ACTR3: variants seen among roughly 807,000 people sequenced by gnomAD.
ACTR3 encodes actin-related protein 3.
A neutral mutation model predicts 56.8 loss-of-function variants in ACTR3; 12 were observed. The observed-to-expected ratio is 0.21, with a 90% CI of 0.14 to 0.34. The LOEUF (loss-of-function observed/expected upper bound fraction) is 0.34, where lower values mean the gene tolerates loss of function less well. ACTR3 is among the 10% of genes least tolerant of loss of function. The pLI is 1.00. For synonymous variants in ACTR3, 162 were observed against 167.4 expected (o/e 0.97, Z 0.25); for missense variants, 282 against 512.5 (o/e 0.55, Z 4.34).
chr2:113,897,524 T>A (rs1318762096), intron 1 of ACTR3, among the ~76,000 whole-genome samples: 10 of 83,066 alleles, frequency 1.2e-4, no homozygotes, highest in African/African-American at 3.9e-4. Flanking sequence ...TGTTATTTTT[T>A]TTTTTTTTTT....
chr2:113,918,639 C>A (rs1679451695), intron 3 of ACTR3, among the ~76,000 whole-genome samples: 1 of 152,098 alleles, frequency 6.6e-6, no homozygotes, highest in African/African-American at 2.4e-5. Flanking sequence ...GTCCCCTTGG[C>A]CTGCCAAAGT....
chr2:113,944,580 C>G (rs34011463), intron 8 of ACTR3, among the ~76,000 whole-genome samples: 6,029 of 93,418 alleles, frequency 0.065, 207 homozygotes, highest in Non-Finnish European at 0.093. Context: ...AACCCCGTCT[C>G]TACTAAAAAA....
intron 3 of ACTR3, among the ~76,000 whole-genome samples, chr2:113,925,194 CTTT>C (rs771794090): frequency 5.7e-5 from 6 of 105,174 alleles, no homozygotes; most frequent in African/African-American, 7.6e-5. Context: ...ATCGTGCCAC[CTTT>C]TTTTTTTTTT....
At chr2:113,931,574 T>G (rs1273172455) in intron 5 of ACTR3, among the ~76,000 whole-genome samples, 178 bp downstream of exon 5, 3 of 152,124 alleles carry the variant, frequency 2.0e-5, no homozygotes, top group East Asian at 1.9e-4. Context: ...TGGAGATATT[T>G]AGTCAGGAAA....
intron 1 of ACTR3, among the ~76,000 whole-genome samples, chr2:113,902,932 G>A (rs1679128642): frequency 6.6e-6 from 1 of 152,212 alleles, no homozygotes. Context: ...TAAACCTTGT[G>A]TCATGAGTCT....
chr2:113,890,243 C>A lies in ACTR3; in HGVS notation c.-37C>A. 1.3e-6 allele frequency: 2 copies of A among 1,550,734 alleles called. No individual in the cohort carries two copies. ...ATCTCTGGCCCCTAGCAGCACGGAGCAGACGGCGGCAGCAGCAGCAGCAGG... is the reference window on the plus strand; with the variant it reads ...ATCTCTGGCCCCTAGCAGCACGGAGAAGACGGCGGCAGCAGCAGCAGCAGG... On this transcript the variant is annotated 5_prime_UTR_variant, in exon 1 of 12. Coordinates refer to ENST00000263238, the MANE Select transcript of ACTR3 (RefSeq NM_005721.5).
chr2:113,942,095 TA>T (rs1679934018), intron 7 of ACTR3, 90 bp from the exon 8 acceptor site: 6 of 1,004,722 alleles, frequency 6.0e-6, no homozygotes, highest in Non-Finnish European at 5.5e-6. Context: ...TTTTTTTTTT[TA>T]TTGGATTATA....
intron 10 of ACTR3, chr2:113,953,163 A>T (rs1260641694): frequency 6.6e-6 from 1 of 152,328 alleles, no homozygotes; most frequent in African/African-American, 2.4e-5. Flanking sequence ...GTTTCTGAGT[A>T]TAGTATTTTA....
intron 1 of ACTR3, chr2:113,904,696 A>G (rs1679162083): frequency 1.3e-5 from 2 of 152,162 alleles, no homozygotes; most frequent in South Asian, 4.1e-4. Context: ...TTGCATTCTA[A>G]CTAGTAATGT....
intron 1 of ACTR3, among the ~76,000 whole-genome samples, chr2:113,897,485 A>C: frequency 6.6e-6 from 1 of 151,672 alleles, no homozygotes; most frequent in East Asian, 1.9e-4. Context: ...GGAACCAGGA[A>C]AGGAATAGCT....
rs1411082848 is a variant in ACTR3, at chr2:113,958,880, A to C, written c.*1425A>C. The C allele has an allele frequency of 6.6e-6, 1 of 152,016 alleles. No homozygotes were observed. Among genetic ancestry groups the C allele is most frequent in the Non-Finnish European group, 1.5e-5 (1 of 67,896 alleles). 9.4% of individuals were successfully genotyped at this position (152,016 alleles called of 1,614,324 possible). A position where few individuals can be genotyped will look rare whatever the true frequency, so the allele number is the denominator to read the frequency against. On this transcript the variant is annotated 3_prime_UTR_variant, in exon 12 of 12. Coordinates refer to ENST00000263238, the MANE Select transcript of ACTR3 (RefSeq NM_005721.5). ...AAAAGTGAAAGAATATAAAGTGTTT[A>C]GTTTTTTGTTTTTACTCTAAAGATA...
At chr2:113,934,195 C>G (rs1679780392) in intron 5 of ACTR3, 84 bp from the exon 6 acceptor site, 1 of 838,624 alleles carries the variant, frequency 1.2e-6, no homozygotes, top group Admixed American at 2.6e-5. Context: ...CTCCAGGGAA[C>G]TAGTTTTTTT....
intron 2 of ACTR3, among the ~76,000 whole-genome samples, chr2:113,915,082 T>A (rs193005736): frequency 7.2e-5 from 11 of 152,368 alleles, no homozygotes; most frequent in African/African-American, 2.6e-4. Flanking sequence ...GGGCTAGTAC[T>A]TGACTTTAGT....
rs769400866 is a variant in ACTR3 at position 113,957,473 on chromosome 2, T to C, written c.*18T>C. On this transcript the variant is annotated 3_prime_UTR_variant, in exon 12 of 12. Transcript: ENST00000263238. ...TGTCGTAAAATTGGCTTCATAGTTA[T>C]TGGGGTTAGGGAGGTGGGGAAGAGA... The C allele has an allele frequency of 3.1e-6, 5 of 1,599,486 alleles. No homozygotes were observed. The highest frequency in any genetic ancestry group is 1.1e-5 in the South Asian group (1 of 90,708).
intron 3 of ACTR3, among the ~76,000 whole-genome samples, chr2:113,923,187 C>A (rs934172912): frequency 8.5e-5 from 13 of 152,202 alleles, no homozygotes; most frequent in African/African-American, 3.1e-4. Context: ...TTTAAAACGA[C>A]ACTTCTTAGT....
intron 8 of ACTR3, among the ~76,000 whole-genome samples, chr2:113,945,964 G>T (rs1680012677): frequency 6.6e-6 from 1 of 152,206 alleles, no homozygotes; most frequent in Admixed American, 6.5e-5. Flanking sequence ...TTCCTGCAAA[G>T]AACATGACCT....
At chr2:113,919,978 C>T (rs1331361939) in intron 3 of ACTR3, among the ~76,000 whole-genome samples, 1 of 152,208 alleles carries the variant, frequency 6.6e-6, no homozygotes, top group Admixed American at 6.5e-5. Context: ...GGCTGGAGTG[C>T]AGTGGCGTGA....
At chr2:113,893,584 G>A (rs116989407) in intron 1 of ACTR3, among the ~76,000 whole-genome samples, 12 of 152,168 alleles carry the variant, frequency 7.9e-5, no homozygotes, top group Non-Finnish European at 1.8e-4. Context: ...GAGCCACCGC[G>A]CCCAGCCTTA....
rs756935826 is a variant in ACTR3 at position 113,955,572 on chromosome 2, AGTT to A, written c.1078-47_1078-45del. 54 of 1,305,792 alleles carry A rather than the reference AGTT, an allele frequency of 4.1e-5. 1 individual carries two copies. The South Asian group carries it at 5.2e-4, about 12-fold the overall frequency. 80.9% of individuals were successfully genotyped at this position (1,305,792 alleles called of 1,614,324 possible). A position where few individuals can be genotyped will look rare whatever the true frequency, so the allele number is the denominator to read the frequency against. ...TACATTTAAGGTTAAATGACACAGAAGTTGTTATTTGAATTTACTATGAAGATG... is the reference window on the plus strand; with the variant it reads ...TACATTTAAGGTTAAATGACACAGAAGTTATTTGAATTTACTATGAAGATG... On this transcript the variant is annotated intron_variant, in intron 10 of 11. Transcript: ENST00000263238.
Sources: gnomAD v4.1 joint callset for allele counts (sites outside exome capture counted in the v4.1 genomes callset) on GRCh38, gnomAD v4.1.1 for gene constraint, MANE v1.5 for transcripts, NCBI Gene and HGNC (gene_info 2026-07-23, HGNC 2026-07-21) for gene names.